SLAMF1: variants seen among roughly 807,000 people sequenced by gnomAD.
The protein encoded by SLAMF1 is signaling lymphocytic activation molecule.
A neutral mutation model predicts 35.1 loss-of-function variants in SLAMF1; 18 were observed. That is an observed-to-expected ratio of 0.51 (90% CI 0.35 to 0.76). The LOEUF is 0.76. SLAMF1 is among the 30% of genes least tolerant of loss of function. The pLI is 0.01. For missense variants in SLAMF1, 392 were observed against 413.0 expected, an observed-to-expected ratio of 0.95 and a Z score of 0.44; for synonymous variants, 168 against 157.2, an observed-to-expected ratio of 1.07 and a Z score of -0.51.
chr1:160,612,708 C>T, intron 5 of SLAMF1, 128 bp from the exon 6 acceptor site: 3 of 603,970 alleles, frequency 5.0e-6, no homozygotes, highest in Non-Finnish European at 8.9e-6. Flanking sequence ...TTTGGTCCAA[C>T]CTCCTTCTCA....
At chr1:160,634,931 A>G (rs1187659365) in intron 2 of SLAMF1, 34 bp from the exon 3 acceptor site, 1 of 1,568,924 alleles carries the variant, frequency 6.4e-7, no homozygotes, top group Admixed American at 1.8e-5. Flanking sequence ...GCCATCACTG[A>G]AGTGAACCCC....
chr1:160,646,232 A>G (rs1321635449), intron 1 of SLAMF1, among the ~76,000 whole-genome samples: 1 of 152,124 alleles, frequency 6.6e-6, no homozygotes, highest in Non-Finnish European at 1.5e-5. Flanking sequence ...CATTTCCCAC[A>G]TACTGTAACC....
chr1:160,618,084 CAAAAAACAAA>C (rs1659405311), intron 5 of SLAMF1, among the ~76,000 whole-genome samples: 1 of 151,776 alleles, frequency 6.6e-6, no homozygotes, highest in South Asian at 2.1e-4. Flanking sequence ...AAACAAAAAA[CAAAAAACAAA>C]AAACACGCAA....
chr1:160,617,576 G>T (rs1659373542), intron 5 of SLAMF1, among the ~76,000 whole-genome samples: 2 of 151,902 alleles, frequency 1.3e-5, no homozygotes, highest in Non-Finnish European at 2.9e-5. Context: ...AGACATGAGA[G>T]AAAAAAGAAT....
intron 3 of SLAMF1, 113 bp downstream of exon 3, chr1:160,634,500 A>G: frequency 1.4e-6 from 2 of 1,421,050 alleles, no homozygotes; most frequent in Non-Finnish European, 1.9e-6. Flanking sequence ...CTATAAAGAA[A>G]ATGTAAAGTA....
chr1:160,614,575 CAAA>C (rs58447871), intron 5 of SLAMF1, among the ~76,000 whole-genome samples: 2,177 of 140,656 alleles, frequency 0.015, 49 homozygotes, highest in African/African-American at 0.052. Flanking sequence ...TCCGCATCAC[CAAA>C]AAAAAAAAAA....
At chr1:160,643,166 G>A (rs1027561074) in intron 1 of SLAMF1, among the ~76,000 whole-genome samples, 2 of 152,134 alleles carry the variant, frequency 1.3e-5, no homozygotes, top group Admixed American at 1.3e-4. Flanking sequence ...AGAGGGAGGA[G>A]GCAGCTATCC....
At chr1:160,640,044 C>A (rs941044147) in intron 1 of SLAMF1, among the ~76,000 whole-genome samples, 9 of 152,096 alleles carry the variant, frequency 5.9e-5, no homozygotes, top group African/African-American at 2.2e-4. Context: ...CAAGAGGCCT[C>A]CTCTGACCAT....
At chr1:160,641,095 A>T (rs531216124) in intron 1 of SLAMF1, among the ~76,000 whole-genome samples, 51 of 152,154 alleles carry the variant, frequency 3.4e-4, no homozygotes, top group Non-Finnish European at 6.8e-4. Context: ...AATGAGAAAA[A>T]ATTTAAAGCC....
chr1:160,617,569 CAT>C (rs1429160636), intron 5 of SLAMF1, among the ~76,000 whole-genome samples: 2 of 151,794 alleles, frequency 1.3e-5, no homozygotes, highest in Non-Finnish European at 2.9e-5. Flanking sequence ...ATAAATCAGA[CAT>C]GAGAGAAAAA....
chr1:160,638,890 T>C (rs1028915723), intron 1 of SLAMF1, among the ~76,000 whole-genome samples: 1 of 152,240 alleles, frequency 6.6e-6, no homozygotes, highest in African/African-American at 2.4e-5. Flanking sequence ...CTCAGTTTTC[T>C]TGGCAGGAGC....
intron 1 of SLAMF1, among the ~76,000 whole-genome samples, chr1:160,640,393 C>T (rs12725507): frequency 6.8e-6 from 1 of 146,424 alleles, no homozygotes; most frequent in African/African-American, 2.5e-5. Flanking sequence ...TATATACACA[C>T]ACACATACAT....
At chr1:160,638,737 C>A (rs1487295927) in intron 1 of SLAMF1, among the ~76,000 whole-genome samples, 2 of 152,154 alleles carry the variant, frequency 1.3e-5, no homozygotes, top group African/African-American at 4.8e-5. Context: ...CTCCACTAAG[C>A]CAAGTCAAAG....
At chr1:160,616,716 A>G (rs1354792347) in intron 5 of SLAMF1, among the ~76,000 whole-genome samples, 3 of 152,264 alleles carry the variant, frequency 2.0e-5, no homozygotes, top group Non-Finnish European at 4.4e-5. Flanking sequence ...GGGCACTTTA[A>G]GAAAGAATTT....
intron 5 of SLAMF1, among the ~76,000 whole-genome samples, chr1:160,612,888 T>C (rs1659079981): frequency 6.6e-6 from 1 of 152,166 alleles, no homozygotes. Flanking sequence ...GGTGTGGCTC[T>C]TACAGGGGCA....
At chr1:160,610,844 C>T in intron 6 of SLAMF1, 46 bp from the exon 7 acceptor site, 1 of 1,380,852 alleles carries the variant, frequency 7.2e-7, no homozygotes, top group Non-Finnish European at 1.0e-6. Context: ...TGGATACTCA[C>T]TTCACAGAAT....
chr1:160,624,003 C>A, intron 4 of SLAMF1, 93 bp downstream of exon 4: 1 of 857,112 alleles, frequency 1.2e-6, no homozygotes, highest in Non-Finnish European at 1.9e-6. Context: ...TGCAGAAAGC[C>A]AGAGTTGTGA....
At chr1:160,615,207 GTAAGTC>G (rs10556717) in intron 5 of SLAMF1, among the ~76,000 whole-genome samples, 68,611 of 104,368 alleles carry the variant, frequency 0.66, 17,960 homozygotes, top group East Asian at 0.83. Flanking sequence ...GAAAATGTGG[GTAAGTC>G]TAAGTATATA....
At chr1:160,614,088 T>C (rs1208005643) in intron 5 of SLAMF1, among the ~76,000 whole-genome samples, 1 of 152,224 alleles carries the variant, frequency 6.6e-6, no homozygotes, top group Non-Finnish European at 1.5e-5. Context: ...GTTCACAAAC[T>C]ATATTTCAGT....
Sources: gnomAD v4.1 joint callset for allele counts (sites outside exome capture counted in the v4.1 genomes callset) on GRCh38, gnomAD v4.1.1 for gene constraint, MANE v1.5 for transcripts, NCBI Gene and HGNC (gene_info 2026-07-23, HGNC 2026-07-21) for gene names.